Variants in NOP58 observed in about 807,000 individuals in gnomAD.
The protein encoded by NOP58 is nucleolar protein 58.
NOP58 carries 44 observed loss-of-function variants against 71.2 expected under a neutral mutation model. That is an observed-to-expected ratio of 0.62 (90% CI 0.49 to 0.79). The LOEUF is 0.79. Among genes scored for constraint, NOP58 ranks in the 30% least tolerant of loss-of-function variants. The probability of loss-of-function intolerance (pLI) is 0.00; values close to 1 mark genes in which losing one functional copy is unlikely to be tolerated. For missense variants in NOP58, 538 were observed against 620.2 expected (o/e 0.87, Z 1.41); for synonymous variants, 228 against 200.3 (o/e 1.14, Z -1.17).
rs751440661 is a variant in NOP58 at position 202,295,670 on chromosome 2, G to T, written c.908-4G>T. ...GCATTCTTTGTAACTTTTTTCTTTT[G>T]TAGGTTCTCTTTTAAATTTGGCCAA... On this transcript the variant is annotated splice_region_variant and splice_polypyrimidine_tract_variant and intron_variant, in intron 9 of 14. Coordinates refer to ENST00000264279, the MANE Select transcript of NOP58 (RefSeq NM_015934.5). 6.4e-7 allele frequency: 1 copy of T among 1,558,092 alleles called. No homozygotes were observed. Among genetic ancestry groups the T allele is most frequent in the Non-Finnish European group, 8.7e-7 (1 of 1,154,266 alleles).
At chr2:202,294,244 G>A (rs959210569) in intron 9 of NOP58, among the ~76,000 whole-genome samples, 6 of 151,470 alleles carry the variant, frequency 4.0e-5, no homozygotes, top group Non-Finnish European at 7.4e-5. Flanking sequence ...GCTTGAACCC[G>A]GGAGGTGGAG....
intron 3 of NOP58, among the ~76,000 whole-genome samples, chr2:202,282,010 A>G (rs966152177): frequency 2.0e-5 from 3 of 152,232 alleles, no homozygotes; most frequent in South Asian, 2.1e-4. Context: ...AGGACAGTCT[A>G]TTTGAAATGA....
chr2:202,291,202 G>A lies in NOP58; in HGVS notation c.712G>A (p.Ala238Thr). ...AGTTGAAGCAGAAGTGAAAGCAGCTGCAGAGATATCAATGGGAACAGAGGT... is the reference window on the plus strand; with the variant it reads ...AGTTGAAGCAGAAGTGAAAGCAGCTACAGAGATATCAATGGGAACAGAGGT... ...EEVEAEVKAA[A>T]EISMGTEVSE... Residue 238 changes from alanine to threonine, a missense_variant, in exon 8 of 15, where the codon GCA (alanine) becomes ACA (threonine). By Grantham distance (58) the Ala-to-Thr change is moderately conservative (BLOSUM62 0). Transcript: ENST00000264279. The A allele has an allele frequency of 1.2e-6, 2 of 1,612,990 alleles. No individual in the cohort carries two copies.
At chr2:202,293,002 A>G (rs1375701228) in intron 9 of NOP58, 99 bp downstream of exon 9, 5 of 1,260,720 alleles carry the variant, frequency 4.0e-6, no homozygotes, top group African/African-American at 2.9e-5. Context: ...AAGAAATTTT[A>G]GCTGATAACA....
chr2:202,295,842 GT>G lies in NOP58; in HGVS notation c.1071+7del, dbSNP rs751062997. The G allele has an allele frequency of 3.6e-5, 56 of 1,540,132 alleles. No homozygotes were observed. In the African/African-American group the frequency reaches 6.0e-4, roughly 16 times the overall value. On this transcript the variant is annotated splice_donor_region_variant and intron_variant, in intron 10 of 14. Transcript: ENST00000264279. ...AGTCCCAAACACAAAGGAAAGGTGT[GT>G]TATAGGGTTTTGCTTTGTTTTTGAG...
intron 5 of NOP58, among the ~76,000 whole-genome samples, chr2:202,286,959 T>G (rs530392590): frequency 6.6e-6 from 1 of 152,330 alleles, no homozygotes; most frequent in East Asian, 1.9e-4. Context: ...GACAATATTG[T>G]TACTCCACAG....
chr2:202,297,737 A>G (rs1689016970), intron 11 of NOP58, 108 bp from the exon 12 acceptor site: 1 of 813,678 alleles, frequency 1.2e-6, no homozygotes, highest in Non-Finnish European at 1.9e-6. Context: ...AAAACAAAAA[A>G]TAGCAGAAAT....
At chr2:202,275,259 C>T (rs1271104701) in intron 2 of NOP58, 70 bp downstream of exon 2, 2 of 778,726 alleles carry the variant, frequency 2.6e-6, no homozygotes, top group African/African-American at 3.5e-5. Flanking sequence ...ACATTTTTCC[C>T]TGATTTATAT....
chr2:202,290,691 G>A (rs561158490), intron 7 of NOP58, among the ~76,000 whole-genome samples: 7 of 151,704 alleles, frequency 4.6e-5, no homozygotes, highest in African/African-American at 1.4e-4. Context: ...CAGTATTGCC[G>A]TCTGTACTGT....
chr2:202,276,897 G>T (rs999492901), intron 2 of NOP58, among the ~76,000 whole-genome samples: 9 of 152,060 alleles, frequency 5.9e-5, no homozygotes, highest in African/African-American at 1.9e-4. Flanking sequence ...CCAGCACTTT[G>T]GGAGGTCGAG....
chr2:202,271,093 CAAAA>C (rs1559258791), intron 1 of NOP58, among the ~76,000 whole-genome samples: 1 of 149,822 alleles, frequency 6.7e-6, no homozygotes, highest in South Asian at 2.2e-4. Context: ...CAAAAAAAAA[CAAAA>C]AAAGTGATTA....
intron 6 of NOP58, among the ~76,000 whole-genome samples, chr2:202,289,518 C>T (rs1327797220): frequency 1.3e-5 from 2 of 152,174 alleles, no homozygotes; most frequent in Non-Finnish European, 2.9e-5. Context: ...ATTTAGACTT[C>T]GAGTTCCATC....
intron 5 of NOP58, 109 bp from the exon 6 acceptor site, chr2:202,287,551 C>T (rs1014028276): frequency 1.4e-5 from 11 of 759,918 alleles, no homozygotes; most frequent in African/African-American, 3.5e-5. Context: ...ACAGCTCTGA[C>T]TACAGGCTGA....
intron 12 of NOP58, chr2:202,300,032 T>C: frequency 2.1e-6 from 1 of 473,864 alleles, no homozygotes; most frequent in Non-Finnish European, 3.8e-6. Context: ...ATCTCTTGAA[T>C]GTGATTGACC....
intron 1 of NOP58, among the ~76,000 whole-genome samples, chr2:202,274,813 C>G (rs760973831): frequency 1.3e-5 from 2 of 152,086 alleles, no homozygotes; most frequent in African/African-American, 2.4e-5. Context: ...CCCCATAGCT[C>G]CAGCTACGGC....
intron 3 of NOP58, among the ~76,000 whole-genome samples, chr2:202,281,768 G>A (rs1688709754): frequency 6.6e-6 from 1 of 152,208 alleles, no homozygotes; most frequent in South Asian, 2.1e-4. Context: ...GGGAATATAG[G>A]TCTAAGGAAG....
chr2:202,266,095 G>GC, intron 1 of NOP58, 109 bp downstream of exon 1: 1 of 1,302,258 alleles, frequency 7.7e-7, no homozygotes, highest in Non-Finnish European at 1.1e-6. Context: ...GCCTGTTATA[G>GC]CCCGGGCTCT....
chr2:202,292,332 T>A (rs2105851766), intron 8 of NOP58, among the ~76,000 whole-genome samples: 1 of 152,046 alleles, frequency 6.6e-6, no homozygotes, highest in South Asian at 2.1e-4. Context: ...CTGACTAAGA[T>A]TTTCAGGCAG....
intron 6 of NOP58, among the ~76,000 whole-genome samples, chr2:202,288,783 C>G (rs1191744662): frequency 6.6e-6 from 1 of 151,804 alleles, no homozygotes; most frequent in Non-Finnish European, 1.5e-5. Flanking sequence ...CCATTTCACT[C>G]TAGCTTGGAC....
Sources: gnomAD v4.1 joint callset for allele counts (sites outside exome capture counted in the v4.1 genomes callset) on GRCh38, gnomAD v4.1.1 for gene constraint, MANE v1.5 for transcripts, NCBI Gene and HGNC (gene_info 2026-07-23, HGNC 2026-07-21) for gene names.